The following COL4A4 variants were observed in gnomAD, a reference collection of about 807,000 sequenced individuals.
The protein encoded by COL4A4 is collagen alpha-4(IV) chain.
COL4A4 carries 105 observed loss-of-function variants against 192.9 expected under a neutral mutation model. That is an observed-to-expected ratio of 0.54 (90% CI 0.46 to 0.64). COL4A4 has a LOEUF of 0.64. COL4A4 is among the 30% of genes least tolerant of loss of function. The probability of loss-of-function intolerance (pLI) is 0.00; values close to 1 mark genes in which losing one functional copy is unlikely to be tolerated. For synonymous variants in COL4A4, 762 were observed against 769.9 expected, an observed-to-expected ratio of 0.99 and a Z score of 0.17; for missense variants, 1,967 against 2,169.3, an observed-to-expected ratio of 0.91 and a Z score of 1.85.
intron 8 of COL4A4, among the ~76,000 whole-genome samples, chr2:227,113,648 A>C (rs1252448637): frequency 1.3e-5 from 2 of 152,216 alleles, no homozygotes; most frequent in Non-Finnish European, 2.9e-5. Flanking sequence ...CCTGGTTCCT[A>C]GAATGACCCT....
chr2:227,148,840 CTT>C (rs567170955), intron 1 of COL4A4, among the ~76,000 whole-genome samples: 2 of 139,300 alleles, frequency 1.4e-5, no homozygotes, highest in Non-Finnish European at 3.1e-5. Context: ...ATGTTACCAA[CTT>C]TTTTTTTTTT....
intron 37 of COL4A4, among the ~76,000 whole-genome samples, chr2:227,034,568 TTA>T (rs200247299): frequency 0.015 from 2,280 of 151,186 alleles, 62 homozygotes; most frequent in African/African-American, 0.052. Flanking sequence ...AATTAATTAA[TTA>T]ATTTATTTAT....
At chr2:227,009,734 AAGAGAAGAGAAG>A (rs1225977233) in intron 46 of COL4A4, among the ~76,000 whole-genome samples, 24 of 145,250 alleles carry the variant, frequency 1.7e-4, no homozygotes, top group Non-Finnish European at 3.1e-4. Context: ...GAGAAGAGAA[AAGAGAAGAGAAG>A]AGAGAAGAGA....
intron 1 of COL4A4, among the ~76,000 whole-genome samples, chr2:227,163,569 G>A (rs1454218764): frequency 6.6e-6 from 1 of 152,242 alleles, no homozygotes; most frequent in South Asian, 2.1e-4. Context: ...GAAACGGCGA[G>A]AGCCGGCTGG....
At chr2:227,067,313 C>T (rs1306235114) in intron 25 of COL4A4, among the ~76,000 whole-genome samples, 1 of 152,138 alleles carries the variant, frequency 6.6e-6, no homozygotes, top group Non-Finnish European at 1.5e-5. Flanking sequence ...ATCAACGAGA[C>T]AGAAAGTCAA....
At chr2:227,066,316 C>T (rs1337881079) in intron 25 of COL4A4, among the ~76,000 whole-genome samples, 1 of 151,972 alleles carries the variant, frequency 6.6e-6, no homozygotes, top group Non-Finnish European at 1.5e-5. Context: ...AGGAGAACTT[C>T]CCCAATCTAG....
intron 19 of COL4A4, among the ~76,000 whole-genome samples, chr2:227,094,886 G>A (rs964329170): frequency 2.6e-5 from 4 of 152,202 alleles, no homozygotes; most frequent in South Asian, 2.1e-4. Flanking sequence ...CTAGATGACA[G>A]CTTTCAGAAG....
intron 24 of COL4A4, among the ~76,000 whole-genome samples, chr2:227,079,967 A>G (rs1438419309): frequency 6.6e-6 from 1 of 152,160 alleles, no homozygotes; most frequent in African/African-American, 2.4e-5. Flanking sequence ...ATCCTTTATC[A>G]GTGAGATTTT....
chr2:227,038,444 GTA>G (rs1970128551), intron 37 of COL4A4, among the ~76,000 whole-genome samples: 3 of 152,184 alleles, frequency 2.0e-5, no homozygotes, highest in African/African-American at 7.2e-5. Flanking sequence ...TTTGGTACCA[GTA>G]CCATGCTGTT....
intron 8 of COL4A4, 154 bp downstream of exon 8, chr2:227,114,474 C>A: frequency 1.3e-6 from 1 of 740,792 alleles, no homozygotes; most frequent in South Asian, 1.4e-5. Flanking sequence ...TGCCTTCACA[C>A]AAAAGCATGA....
At chr2:227,108,770 A>C (rs1576570992) in intron 11 of COL4A4, 63 bp downstream of exon 11, 2 of 1,549,736 alleles carry the variant, frequency 1.3e-6, no homozygotes, top group East Asian at 4.5e-5. Flanking sequence ...TCTGACAAAT[A>C]TCAGTGGTCA....
chr2:227,010,501 C>A lies in COL4A4; in HGVS notation c.4334G>T (p.Gly1445Val). 6.4e-7 allele frequency: 1 copy of A among 1,555,934 alleles called. No individual in the cohort carries two copies. The highest frequency in any genetic ancestry group is 8.7e-7 in the Non-Finnish European group (1 of 1,155,370). Reference protein sequence around the residue: ...TGEDGYPGGPGPPGPIGDPGP... With the variant: ...TGEDGYPGGPVPPGPIGDPGP... ...AGGATCCCCAATGGGACCAGGAGGC[C>A]CTGGAGGAACAAAGGAAAAAAATTG... The change falls in exon 46 of 48, where the codon GGG becomes GTG. Residue 1445 changes from glycine to valine, a missense_variant and splice_region_variant. Transcript: ENST00000396625.
intron 19 of COL4A4, among the ~76,000 whole-genome samples, chr2:227,097,393 G>A (rs755604973): frequency 8.5e-5 from 13 of 152,150 alleles, no homozygotes; most frequent in Non-Finnish European, 1.0e-4. Flanking sequence ...ATACATACAT[G>A]TTTGTGTAAT....
intron 20 of COL4A4, among the ~76,000 whole-genome samples, chr2:227,091,468 G>T (rs1483255065): frequency 6.7e-6 from 1 of 149,260 alleles, no homozygotes; most frequent in African/African-American, 2.5e-5. Flanking sequence ...CTGACAGATA[G>T]ATAGAGTACA....
the COL4A4 span, among the ~76,000 whole-genome samples, chr2:226,990,792 TC>T: frequency 1.1e-4 from 17 of 152,300 alleles, no homozygotes; most frequent in African/African-American, 3.6e-4. Context: ...TTCCTGAGGT[TC>T]TTTGAAGCAT....
intron 4 of COL4A4, among the ~76,000 whole-genome samples, chr2:227,136,366 C>A (rs1233937638): frequency 2.0e-5 from 3 of 152,124 alleles, no homozygotes; most frequent in African/African-American, 7.2e-5. Context: ...AAGACAGAGG[C>A]AGAGTGCAAG....
At chr2:227,155,396 A>G (rs1239740573) in intron 1 of COL4A4, among the ~76,000 whole-genome samples, 2 of 152,222 alleles carry the variant, frequency 1.3e-5, no homozygotes, top group African/African-American at 2.4e-5. Context: ...ACTTCTCGGA[A>G]CCACAAGAAG....
intron 38 of COL4A4, among the ~76,000 whole-genome samples, chr2:227,032,981 G>A (rs1219382661): frequency 6.6e-6 from 1 of 152,170 alleles, no homozygotes; most frequent in Non-Finnish European, 1.5e-5. Context: ...AAATTGTGTA[G>A]GTAATTTGTT....
In COL4A4 at chr2:227,060,190, C is replaced by T. The variant is rs1379525680; in HGVS notation, c.2110G>A (p.Gly704Arg). 6.2e-7 allele frequency: 1 copy of T among 1,609,314 alleles called. No individual in the cohort carries two copies. The highest frequency in any genetic ancestry group is 1.1e-5 in the South Asian group (1 of 90,750). ...QGAPGLSGSDGHKGRPGTPGT... is the reference protein window; with the variant it reads ...QGAPGLSGSDRHKGRPGTPGT... ...GGTGTGCCAGGTCTGCCTTTATGCCCATCTGAACCACTCAGCCCAGGGGCA... is the reference window on the plus strand; with the variant it reads ...GGTGTGCCAGGTCTGCCTTTATGCCTATCTGAACCACTCAGCCCAGGGGCA... Residue 704 changes from glycine (G) to arginine (R), a missense_variant, in exon 27 of 48, where the codon GGG becomes AGG. Coordinates refer to ENST00000396625, the MANE Select transcript of COL4A4 (RefSeq NM_000092.5).
Sources: gnomAD v4.1 joint callset for allele counts (sites outside exome capture counted in the v4.1 genomes callset) on GRCh38, gnomAD v4.1.1 for gene constraint, MANE v1.5 for transcripts, NCBI Gene and HGNC (gene_info 2026-07-23, HGNC 2026-07-21) for gene names.